The following DYM variants were observed in gnomAD, a reference collection of about 807,000 sequenced individuals.
The protein encoded by DYM is dymeclin.
DYM carries 78 observed loss-of-function variants against 93.1 expected under a neutral mutation model. The ratio of observed to expected loss-of-function variants is 0.84; its 90% CI spans 0.70 to 1.01. The LOEUF is 1.01. Among genes scored for constraint, DYM ranks in the 50% least tolerant of loss-of-function variants. DYM has a pLI of 0.00. For synonymous variants in DYM, 321 were observed against 319.7 expected (o/e 1.00, Z -0.04); for missense variants, 789 against 845.0 (o/e 0.93, Z 0.82).
intron 8 of DYM, chr18:49,321,385 C>T (rs1350384831): frequency 1.0e-5 from 4 of 398,082 alleles, no homozygotes; most frequent in Non-Finnish European, 1.8e-5. Context: ...AATCTGTTAA[C>T]AAGAAAATGA....
In DYM at chr18:49,040,837, A is replaced by G. The variant is rs2070884399; in HGVS notation, c.*3218T>C. Among the ~76,000 whole-genome samples, 1 of 152,200 alleles carries G rather than the reference A, an allele frequency of 6.6e-6. No individual in the cohort carries two copies. The highest frequency in any genetic ancestry group is 1.5e-5 in the Non-Finnish European group (1 of 68,028). ...GCAAAACCCTGGCTCCCGGAATCTA[A>G]AGGACGAAATGTTGCTTAAAGTATG... On this transcript the variant is annotated 3_prime_UTR_variant, in exon 18 of 18. Transcript: ENST00000675505.
At chr18:49,393,774 A>G (rs1285767916) in intron 2 of DYM, 1 of 152,144 alleles carries the variant, frequency 6.6e-6, no homozygotes, top group Non-Finnish European at 1.5e-5. Context: ...TCATCTCAAA[A>G]GAAAATAATA....
At chr18:49,253,726 G>A (rs1268839660) in intron 13 of DYM, among the ~76,000 whole-genome samples, 6 of 152,132 alleles carry the variant, frequency 3.9e-5, no homozygotes, top group Admixed American at 3.3e-4. Flanking sequence ...CCCTCAGTGC[G>A]ACAAACAGAC....
intron 8 of DYM, among the ~76,000 whole-genome samples, chr18:49,300,690 C>A (rs2060876540): frequency 6.6e-6 from 1 of 151,970 alleles, no homozygotes; most frequent in Non-Finnish European, 1.5e-5. Flanking sequence ...ACTTGTGAAG[C>A]AGTAAATATA....
chr18:49,087,766 C>G (rs2078680058), intron 17 of DYM, among the ~76,000 whole-genome samples: 1 of 152,080 alleles, frequency 6.6e-6, no homozygotes, highest in Admixed American at 6.5e-5. Flanking sequence ...TTCTCCACAT[C>G]CTCTCCAGCA....
intron 15 of DYM, among the ~76,000 whole-genome samples, chr18:49,131,414 A>G (rs143577175): frequency 6.6e-6 from 1 of 152,084 alleles, no homozygotes; most frequent in Admixed American, 6.5e-5. Flanking sequence ...TAGTAGTGAC[A>G]GGGTTTTGCC....
intron 14 of DYM, among the ~76,000 whole-genome samples, chr18:49,181,816 T>C (rs1416302013): frequency 1.3e-5 from 2 of 152,172 alleles, no homozygotes; most frequent in Non-Finnish European, 2.9e-5. Flanking sequence ...ATATCAGTGA[T>C]TCCTGCTTTT....
intron 13 of DYM, among the ~76,000 whole-genome samples, chr18:49,243,132 C>G (rs1239092904): frequency 2.0e-5 from 3 of 152,180 alleles, no homozygotes; most frequent in African/African-American, 7.2e-5. Context: ...CATCAATCAT[C>G]TCACTGGTAA....
intron 11 of DYM, among the ~76,000 whole-genome samples, chr18:49,258,976 A>G (rs920726133): frequency 2.3e-4 from 18 of 76,756 alleles, no homozygotes; most frequent in African/African-American, 7.3e-4. Flanking sequence ...AAATGGGGGA[A>G]AAAACAAAAA....
At chr18:49,330,033 C>T (rs931469954) in intron 8 of DYM, among the ~76,000 whole-genome samples, 14 of 152,092 alleles carry the variant, frequency 9.2e-5, no homozygotes, top group African/African-American at 1.2e-4. Flanking sequence ...TGACTGTGAT[C>T]GTTTTTACAT....
intron 13 of DYM, among the ~76,000 whole-genome samples, chr18:49,212,660 T>C (rs1216922221): frequency 1.3e-5 from 2 of 152,146 alleles, no homozygotes; most frequent in Non-Finnish European, 2.9e-5. Context: ...CACACTCAGC[T>C]AATTTTTAAA....
chr18:49,126,478 C>T (rs2082842356), intron 15 of DYM: 1 of 152,092 alleles, frequency 6.6e-6, no homozygotes, highest in Admixed American at 6.5e-5. Context: ...CTTTATGTTT[C>T]ATTTTTTAAA....
At chr18:49,253,637 G>C (rs903752906) in intron 13 of DYM, among the ~76,000 whole-genome samples, 3 of 152,126 alleles carry the variant, frequency 2.0e-5, no homozygotes, top group Non-Finnish European at 4.4e-5. Flanking sequence ...CGATGCTCTG[G>C]TCCGCACCGG....
Position 49,379,812 on chromosome 18 carries a change from T to G in DYM, c.194-54A>C, listed in dbSNP as rs1015794877. 24 of 1,382,190 alleles carry G rather than the reference T, an allele frequency of 1.7e-5. No homozygotes were observed. In the South Asian group the frequency reaches 2.4e-4, roughly 14 times the overall value. 85.6% of individuals were successfully genotyped at this position (1,382,190 alleles called of 1,614,324 possible). A position where few individuals can be genotyped will look rare whatever the true frequency, so the allele number is the denominator to read the frequency against. On this transcript the variant is annotated intron_variant, in intron 3 of 17. Coordinates refer to ENST00000675505, the MANE Select transcript of DYM (RefSeq NM_001353214.3). ...TTAAATTTAAGAACTAAAATCAAAG[T>G]GAGCTTATCATAACATTTATAAAAC... is the stretch of plus-strand genomic sequence containing the variant.
At chr18:49,208,707 A>C (rs2092641837) in intron 14 of DYM, 1 of 152,158 alleles carries the variant, frequency 6.6e-6, no homozygotes, top group African/African-American at 2.4e-5. Flanking sequence ...TAAGGTTGTC[A>C]TGGAGTTTTC....
chr18:49,142,007 C>T (rs1230178672), intron 15 of DYM, among the ~76,000 whole-genome samples: 1 of 151,248 alleles, frequency 6.6e-6, no homozygotes, highest in Non-Finnish European at 1.5e-5. Flanking sequence ...GCGCCCACCA[C>T]CACGCCCGGC....
chr18:49,197,183 G>T (rs1331533350), intron 14 of DYM, among the ~76,000 whole-genome samples: 1 of 152,166 alleles, frequency 6.6e-6, no homozygotes, highest in Admixed American at 6.5e-5. Context: ...CAGGACAAGG[G>T]CTCAGAGTTT....
At chr18:49,278,317 G>A (rs905618508) in intron 10 of DYM, among the ~76,000 whole-genome samples, 1 of 152,184 alleles carries the variant, frequency 6.6e-6, no homozygotes, top group Non-Finnish European at 1.5e-5. Flanking sequence ...CTGCGATATT[G>A]TGCAGGCTCA....
intron 6 of DYM, among the ~76,000 whole-genome samples, chr18:49,335,461 A>G (rs1256266089): frequency 6.6e-6 from 1 of 152,238 alleles, no homozygotes; most frequent in African/African-American, 2.4e-5. Context: ...TGTCTCAAAA[A>G]ATAAAAATAA....
Sources: allele counts gnomAD v4.1 joint callset (sites outside exome capture counted in the v4.1 genomes callset), GRCh38; gene constraint gnomAD v4.1.1; transcripts MANE v1.5; gene names NCBI Gene and HGNC (gene_info 2026-07-23, HGNC 2026-07-21).